The following MAPK10 variants were observed in gnomAD, a reference collection of about 807,000 sequenced individuals.
MAPK10 encodes mitogen-activated protein kinase 10, also known as JNK3 alpha protein kinase.
Under a neutral mutation model 59.3 loss-of-function variants are expected in MAPK10, and 25 were observed. The observed-to-expected ratio is 0.42, with a 90% confidence interval of 0.31 to 0.59. MAPK10 has a LOEUF of 0.59. MAPK10 is among the 20% of genes least tolerant of loss of function. The pLI, the probability that MAPK10 is intolerant of heterozygous loss-of-function variation, is 0.15. For synonymous variants in MAPK10, 190 were observed against 200.5 expected (o/e 0.95, Z 0.44); for missense variants, 351 against 568.9 (o/e 0.62, Z 3.90).
At chr4:86,181,442 G>A (rs1366950839) in intron 3 of MAPK10, among the ~76,000 whole-genome samples, 5 of 151,990 alleles carry the variant, frequency 3.3e-5, no homozygotes, top group Admixed American at 1.3e-4. Context: ...CTAAATCATC[G>A]GTAAATGTTT....
At chr4:86,374,259 G>C (rs1739414808) in intron 1 of MAPK10, among the ~76,000 whole-genome samples, 1 of 152,116 alleles carries the variant, frequency 6.6e-6, no homozygotes, top group African/African-American at 2.4e-5. Context: ...GCCTGTTGGG[G>C]GTGGGGGACT....
intron 4 of MAPK10, among the ~76,000 whole-genome samples, chr4:86,144,637 G>A (rs1330430331): frequency 6.6e-6 from 1 of 152,072 alleles, no homozygotes; most frequent in African/African-American, 2.4e-5. Context: ...TTAGCAAGGT[G>A]GCAGCTGTAT....
intron 11 of MAPK10, among the ~76,000 whole-genome samples, chr4:86,057,896 A>G (rs966614409): frequency 6.7e-6 from 1 of 149,848 alleles, no homozygotes; most frequent in Non-Finnish European, 1.5e-5. Context: ...ATTTACAGCA[A>G]CCTAAAAGAA....
At chr4:86,165,218 A>T (rs1395336726) in intron 3 of MAPK10, among the ~76,000 whole-genome samples, 2 of 152,176 alleles carry the variant, frequency 1.3e-5, no homozygotes, top group Non-Finnish European at 2.9e-5. Flanking sequence ...TGAGCTATCT[A>T]TTCTCATAGT....
chr4:86,314,079 C>T (rs1458178983), intron 2 of MAPK10, among the ~76,000 whole-genome samples: 2 of 152,048 alleles, frequency 1.3e-5, no homozygotes, highest in African/African-American at 4.8e-5. Context: ...AAAGAAGAAA[C>T]AAAAACAGTA....
intron 1 of MAPK10, among the ~76,000 whole-genome samples, chr4:86,458,561 A>G (rs1751444344): frequency 6.6e-6 from 1 of 152,240 alleles, no homozygotes; most frequent in Non-Finnish European, 1.5e-5. Context: ...TGCTGGTATA[A>G]ATATAGGCAT....
chr4:86,578,691 A>C (rs1404094441), intron 1 of MAPK10, among the ~76,000 whole-genome samples: 1 of 151,868 alleles, frequency 6.6e-6, no homozygotes, highest in Non-Finnish European at 1.5e-5. Flanking sequence ...GAGAGTATTT[A>C]TTAAAATGCA....
intron 2 of MAPK10, among the ~76,000 whole-genome samples, chr4:86,295,239 C>T (rs183329202): frequency 6.6e-6 from 1 of 152,120 alleles, no homozygotes; most frequent in African/African-American, 2.4e-5. Flanking sequence ...GCCCCACGCC[C>T]TCTGCCTGGA....
At chr4:86,340,274 A>C (rs1724109887) in intron 2 of MAPK10, 1 of 152,118 alleles carries the variant, frequency 6.6e-6, no homozygotes, top group Non-Finnish European at 1.5e-5. Flanking sequence ...GTTCGTTTTC[A>C]CTCTGCTATA....
intron 1 of MAPK10, among the ~76,000 whole-genome samples, chr4:86,375,587 C>T (rs935306326): frequency 6.6e-6 from 1 of 151,494 alleles, no homozygotes; most frequent in African/African-American, 2.4e-5. Context: ...TAGTGGCATG[C>T]ACCTGTGGTC....
chr4:86,348,674 A>G (rs1002209471), intron 2 of MAPK10, among the ~76,000 whole-genome samples: 4 of 152,192 alleles, frequency 2.6e-5, no homozygotes, highest in Non-Finnish European at 5.9e-5. Context: ...CTTATAATAA[A>G]AAAAAAATTT....
intron 4 of MAPK10, among the ~76,000 whole-genome samples, chr4:86,146,259 G>A (rs951053300): frequency 3.3e-5 from 5 of 152,194 alleles, no homozygotes; most frequent in African/African-American, 1.2e-4. Flanking sequence ...TTCAACTGAA[G>A]GCAAGCCTGA....
At chr4:86,171,231 G>C (rs2074020177) in intron 3 of MAPK10, among the ~76,000 whole-genome samples, 1 of 151,780 alleles carries the variant, frequency 6.6e-6, no homozygotes. Flanking sequence ...AATCAGAGCA[G>C]AACTGAAGGA....
intron 4 of MAPK10, among the ~76,000 whole-genome samples, chr4:86,157,615 A>C (rs1465055131): frequency 1.3e-5 from 2 of 151,942 alleles, no homozygotes; most frequent in African/African-American, 4.8e-5. Flanking sequence ...TGCATTTGAC[A>C]TAAGAGAGGC....
chr4:86,455,149 A>G (rs1385779928), upstream of MAPK10, among the ~76,000 whole-genome samples: 1 of 152,190 alleles, frequency 6.6e-6, no homozygotes, highest in Non-Finnish European at 1.5e-5. Context: ...ATCTTGAAAC[A>G]TATCCTAGAA....
At chr4:86,045,099 A>G (rs2042254742) in intron 11 of MAPK10, among the ~76,000 whole-genome samples, 1 of 152,124 alleles carries the variant, frequency 6.6e-6, no homozygotes, top group African/African-American at 2.4e-5. Context: ...AAGCTTAATT[A>G]CATAATGCTC....
intron 1 of MAPK10, among the ~76,000 whole-genome samples, chr4:86,508,242 T>C (rs72665724): frequency 0.31 from 47,109 of 152,062 alleles, 7,612 homozygotes; most frequent in Admixed American, 0.36. Flanking sequence ...TTTGATGGAT[T>C]GGTGGCCTGT....
intron 9 of MAPK10, among the ~76,000 whole-genome samples, chr4:86,076,626 C>T (rs949730725): frequency 6.6e-6 from 1 of 152,116 alleles, no homozygotes; most frequent in Non-Finnish European, 1.5e-5. Flanking sequence ...GTTTCTGAAG[C>T]CCCTTCCTTA....
At chr4:86,310,505 T>C (rs1370694404) in intron 2 of MAPK10, among the ~76,000 whole-genome samples, 1 of 152,174 alleles carries the variant, frequency 6.6e-6, no homozygotes, top group Non-Finnish European at 1.5e-5. Context: ...AATGACTTGA[T>C]GAAGTGTGAA....
Sources: gnomAD v4.1 joint callset for allele counts (sites outside exome capture counted in the v4.1 genomes callset) on GRCh38, gnomAD v4.1.1 for gene constraint, MANE v1.5 for transcripts, NCBI Gene and HGNC (gene_info 2026-07-23, HGNC 2026-07-21) for gene names.